SNX29: variants seen among roughly 807,000 people sequenced by gnomAD.
SNX29 encodes sorting nexin-29.
In SNX29, 78 loss-of-function variants were observed where a neutral mutation model predicts 102.1. The observed-to-expected ratio is 0.76, with a 90% confidence interval of 0.64 to 0.92. The LOEUF (loss-of-function observed/expected upper bound fraction) is 0.92, where lower values mean the gene tolerates loss of function less well. Among genes scored for constraint, SNX29 ranks in the 40% least tolerant of loss-of-function variants. The pLI, the probability that SNX29 is intolerant of heterozygous loss-of-function variation, is 0.00. For missense variants in SNX29, 1,280 were observed against 1,061.7 expected, an observed-to-expected ratio of 1.21 and a Z score of -2.86; for synonymous variants, 580 against 414.5, an observed-to-expected ratio of 1.40 and a Z score of -4.85.
chr16:12,373,619 T>C (rs1474182816), intron 16 of SNX29: 3 of 152,218 alleles, frequency 2.0e-5, no homozygotes, highest in Non-Finnish European at 4.4e-5. Context: ...GGCATAGAGT[T>C]GTTTATTTGC....
At chr16:12,514,070 G>C (rs2089755021) in intron 19 of SNX29, among the ~76,000 whole-genome samples, 1 of 152,224 alleles carries the variant, frequency 6.6e-6, no homozygotes, top group South Asian at 2.1e-4. Flanking sequence ...CTGCATCCCA[G>C]GGTGGCAGGA....
chr16:12,036,579 C>T (rs907294181), intron 4 of SNX29, among the ~76,000 whole-genome samples: 2 of 152,176 alleles, frequency 1.3e-5, no homozygotes, highest in African/African-American at 4.8e-5. Context: ...CGTGATCCAC[C>T]TGCCTCGGCC....
intron 11 of SNX29, among the ~76,000 whole-genome samples, chr16:12,101,065 A>G (rs533094559): frequency 3.2e-4 from 48 of 152,298 alleles, no homozygotes; most frequent in Middle Eastern, 3.4e-3. Context: ...GTGCCTCTCC[A>G]GTCTTTCAGC....
At chr16:12,534,614 A>G (rs933546753) in intron 20 of SNX29, among the ~76,000 whole-genome samples, 3 of 152,198 alleles carry the variant, frequency 2.0e-5, no homozygotes, top group Non-Finnish European at 2.9e-5. Flanking sequence ...TAAATTCAAA[A>G]AGCAAATTCC....
At chr16:12,563,659 C>A (rs541281919) in intron 20 of SNX29, among the ~76,000 whole-genome samples, 11 of 152,152 alleles carry the variant, frequency 7.2e-5, no homozygotes, top group Non-Finnish European at 1.6e-4. Context: ...TGAGTCTTTT[C>A]AATTCCCCGA....
chr16:12,283,065 T>C (rs553369404), intron 15 of SNX29, among the ~76,000 whole-genome samples: 24 of 152,284 alleles, frequency 1.6e-4, no homozygotes, highest in African/African-American at 5.3e-4. Flanking sequence ...TGGCCCTTAA[T>C]GTTAGCAGGA....
At chr16:12,531,384 G>T (rs537053922) in intron 20 of SNX29, among the ~76,000 whole-genome samples, 3 of 152,106 alleles carry the variant, frequency 2.0e-5, no homozygotes, top group Admixed American at 6.5e-5. Context: ...GATGGATTGG[G>T]CGATGGGCTA....
At chr16:12,326,668 G>C (rs1164186767) in intron 15 of SNX29, among the ~76,000 whole-genome samples, 3 of 152,150 alleles carry the variant, frequency 2.0e-5, no homozygotes, top group Non-Finnish European at 4.4e-5. Flanking sequence ...TCTGGAATCT[G>C]GTGACCTAGG....
At chr16:12,404,090 C>T (rs1011803857) in intron 18 of SNX29, among the ~76,000 whole-genome samples, 2 of 152,128 alleles carry the variant, frequency 1.3e-5, no homozygotes, top group Non-Finnish European at 2.9e-5. Flanking sequence ...ACCACTGTCG[C>T]CAGGGTGGGT....
intron 14 of SNX29, among the ~76,000 whole-genome samples, chr16:12,217,168 A>G (rs891986935): frequency 2.0e-5 from 3 of 152,170 alleles, no homozygotes; most frequent in Non-Finnish European, 4.4e-5. Context: ...AGCTGGGACT[A>G]TAGCACACCT....
intron 20 of SNX29, among the ~76,000 whole-genome samples, chr16:12,538,168 T>C (rs188059836): frequency 3.9e-5 from 6 of 152,096 alleles, no homozygotes; most frequent in African/African-American, 1.4e-4. Context: ...CAGAATAGAG[T>C]GCAGTGGTGT....
At chr16:12,174,336 CAGTT>C (rs1445592496) in intron 13 of SNX29, among the ~76,000 whole-genome samples, 6 of 152,192 alleles carry the variant, frequency 3.9e-5, no homozygotes, top group Non-Finnish European at 7.3e-5. Flanking sequence ...GGTGGGTACA[CAGTT>C]AGCCTAGTGA....
intron 15 of SNX29, among the ~76,000 whole-genome samples, chr16:12,280,037 G>C (rs60280624): frequency 0.079 from 12,000 of 152,268 alleles, 1,161 homozygotes; most frequent in African/African-American, 0.22. Context: ...GCAGCGTGTA[G>C]GGGTGGGGTG....
At chr16:12,030,741 G>A (rs2057317497) in intron 4 of SNX29, among the ~76,000 whole-genome samples, 1 of 152,090 alleles carries the variant, frequency 6.6e-6, no homozygotes, top group African/African-American at 2.4e-5. Flanking sequence ...TTGTAGAATC[G>A]GGACAAAGTA....
intron 20 of SNX29, among the ~76,000 whole-genome samples, chr16:12,541,003 G>C (rs536467536): frequency 2.6e-5 from 4 of 152,156 alleles, no homozygotes; most frequent in South Asian, 2.1e-4. Context: ...AGCTCACTGC[G>C]GGTTTCCTGG....
intron 15 of SNX29, among the ~76,000 whole-genome samples, chr16:12,291,502 T>C (rs556619655): frequency 7.3e-4 from 111 of 152,184 alleles, no homozygotes; most frequent in African/African-American, 2.5e-3. Flanking sequence ...CAAGGTGAGA[T>C]TTGGGTGGGG....
intron 13 of SNX29, among the ~76,000 whole-genome samples, chr16:12,133,199 T>C (rs190296735): frequency 1.6e-4 from 24 of 151,432 alleles, no homozygotes; most frequent in Admixed American, 6.6e-4. Context: ...ACTGACGGGG[T>C]CAGACCATGG....
At chr16:12,506,517 A>G (rs1205350093) in intron 19 of SNX29, among the ~76,000 whole-genome samples, 1 of 152,252 alleles carries the variant, frequency 6.6e-6, no homozygotes, top group African/African-American at 2.4e-5. Context: ...TGTGAGCACC[A>G]AAGCTTCATT....
At chr16:12,498,729 C>G (rs1003209424) in intron 19 of SNX29, among the ~76,000 whole-genome samples, 4 of 152,232 alleles carry the variant, frequency 2.6e-5, no homozygotes, top group Admixed American at 6.5e-5. Context: ...ACATCTGTCT[C>G]TAAGTCAGGT....
Sources: gnomAD v4.1 joint callset for allele counts (sites outside exome capture counted in the v4.1 genomes callset) on GRCh38, gnomAD v4.1.1 for gene constraint, MANE v1.5 for transcripts, NCBI Gene and HGNC (gene_info 2026-07-23, HGNC 2026-07-21) for gene names.